The following SLC29A3 variants were observed in gnomAD, a reference collection of about 807,000 sequenced individuals.
SLC29A3 encodes the protein equilibrative nucleoside transporter 3.
In SLC29A3, 18 loss-of-function variants were observed where a neutral mutation model predicts 25.4. That is an observed-to-expected ratio of 0.71 (90% CI 0.49 to 1.05). The LOEUF (loss-of-function observed/expected upper bound fraction) is 1.05, where lower values mean the gene tolerates loss of function less well. Ranked by LOEUF, SLC29A3 falls within the 50% of genes least tolerant of loss-of-function variation. SLC29A3 has a pLI of 0.00. For missense variants in SLC29A3, 586 were observed against 609.0 expected (o/e 0.96, Z 0.40); for synonymous variants, 258 against 267.1 (o/e 0.97, Z 0.33).
chr10:71,368,386 G>T (rs1212136617), intron 3 of SLC29A3, among the ~76,000 whole-genome samples: 1 of 152,234 alleles, frequency 6.6e-6, no homozygotes, highest in Admixed American at 6.5e-5. Flanking sequence ...ACAACTTGTT[G>T]CAATGCCAGC....
chr10:71,362,873 T>C lies in SLC29A3; in HGVS notation c.*265T>C, dbSNP rs1372505922. On this transcript the variant is annotated 3_prime_UTR_variant, in exon 6 of 6. Coordinates refer to ENST00000373189, the MANE Select transcript of SLC29A3 (RefSeq NM_018344.6). Reference sequence around the variant, plus strand: ...AAATCAGGGGTACTCCCTTCACAGCTGATGGTTAACATTCCACCTTCTTTC... The same window carrying C: ...AAATCAGGGGTACTCCCTTCACAGCCGATGGTTAACATTCCACCTTCTTTC... 7.7e-6 allele frequency: 5 copies of C among 649,318 alleles called. No homozygotes were observed. The highest frequency in any genetic ancestry group is 1.4e-5 in the Non-Finnish European group (5 of 352,754). 40.2% of individuals were successfully genotyped at this position (649,318 alleles called of 1,614,324 possible).
At chr10:71,336,440 C>G (rs1209429988) in intron 2 of SLC29A3, among the ~76,000 whole-genome samples, 2 of 151,948 alleles carry the variant, frequency 1.3e-5, no homozygotes, top group Non-Finnish European at 2.9e-5. Context: ...GCTGAGGACC[C>G]TTAGAGGAAA....
At chr10:71,364,518 C>A (rs1267456789), downstream of SLC29A3, 2 of 152,180 alleles carry the variant, frequency 1.3e-5, no homozygotes, top group African/African-American at 4.8e-5. Context: ...AGAAAGGAAC[C>A]AGATCAGACG....
chr10:71,336,022 A>G (rs1846243040), intron 2 of SLC29A3, among the ~76,000 whole-genome samples: 1 of 152,152 alleles, frequency 6.6e-6, no homozygotes, highest in Admixed American at 6.5e-5. Flanking sequence ...AGGACATTGC[A>G]TTAGTTTCTT....
At chr10:71,371,182 G>A (rs533624193) in intron 3 of SLC29A3, among the ~76,000 whole-genome samples, 26 of 152,260 alleles carry the variant, frequency 1.7e-4, no homozygotes, top group Non-Finnish European at 2.8e-4. Flanking sequence ...TTGCTGTTCC[G>A]ATTCTGGAAA....
intron 3 of SLC29A3, 141 bp downstream of exon 3, chr10:71,344,432 G>A (rs900575648): frequency 1.4e-5 from 10 of 710,394 alleles, no homozygotes; most frequent in African/African-American, 1.2e-4. Flanking sequence ...ATTTATGCAT[G>A]AAGAGTGAGA....
Position 71,329,664 on chromosome 10 carries a change from A to G in SLC29A3, c.300+6610A>G, listed in dbSNP as rs111983865. On this transcript the variant is annotated intron_variant, in intron 2 of 5. Transcript: ENST00000373189. ...ACTCAGGAGGCTGAGGTGGGAGAAC[A>G]GAACAGTGAGCTTGAGCCCAGGAGT... Among the ~76,000 whole-genome samples the G allele has an allele frequency of 2.2e-4, 34 of 152,282 alleles. 1 individual carries two copies. Among genetic ancestry groups the G allele is most frequent in the African/African-American group, 7.7e-4 (32 of 41,546 alleles).
At chr10:71,330,140 C>G (rs895410356) in intron 2 of SLC29A3, among the ~76,000 whole-genome samples, 9 of 152,236 alleles carry the variant, frequency 5.9e-5, no homozygotes, top group African/African-American at 1.4e-4. Flanking sequence ...TTTGCCCTTT[C>G]TCTTGGTAAT....
chr10:71,350,055 T>G (rs575496480), intron 3 of SLC29A3, among the ~76,000 whole-genome samples: 7 of 152,310 alleles, frequency 4.6e-5, no homozygotes. Context: ...ACCACACCAT[T>G]GAGTACACAT....
intron 2 of SLC29A3, among the ~76,000 whole-genome samples, chr10:71,343,188 TCTCCTGGGTTCAAGCCATC>T (rs1245380517): frequency 6.6e-6 from 1 of 152,130 alleles, no homozygotes; most frequent in African/African-American, 2.4e-5. Flanking sequence ...CCCAGGGTGG[TCTCCTGGGTTCAAGCCATC>T]CTCCCACCTT....
chr10:71,331,899 G>A (rs1216820364), intron 2 of SLC29A3, among the ~76,000 whole-genome samples: 1 of 152,152 alleles, frequency 6.6e-6, no homozygotes, highest in African/African-American at 2.4e-5. Context: ...CCAAATACCC[G>A]GATTCCTAGA....
At chr10:71,356,585 G>A (rs1846919241) in intron 5 of SLC29A3, among the ~76,000 whole-genome samples, 1 of 152,192 alleles carries the variant, frequency 6.6e-6, no homozygotes, top group African/African-American at 2.4e-5. Flanking sequence ...CCAGCACTTT[G>A]GGAGGCCAAG....
intron 5 of SLC29A3, 118 bp from the exon 6 acceptor site, chr10:71,361,836 A>C: frequency 8.2e-7 from 1 of 1,222,630 alleles, no homozygotes; most frequent in Non-Finnish European, 1.2e-6. Flanking sequence ...CTGTGGGCAT[A>C]CGGGGCTTGG....
chr10:71,372,670 C>T (rs955547124), intron 3 of SLC29A3, among the ~76,000 whole-genome samples: 5 of 152,158 alleles, frequency 3.3e-5, no homozygotes, highest in African/African-American at 1.2e-4. Flanking sequence ...TGCTGCTGTT[C>T]CAGTTGAGGC....
In SLC29A3 at chr10:71,377,046, G is replaced by C. The variant is rs190542951; in HGVS notation, c.*211+1235G>C. On this transcript the variant is annotated intron_variant and NMD_transcript_variant, in intron 4 of 4. Transcript: ENST00000642772. ...CTCCCAAAGTGCTGGGATTACAGGCGTGAGCCACCGCGCCCGGCCCTGTCT... is the reference window on the plus strand; with the variant it reads ...CTCCCAAAGTGCTGGGATTACAGGCCTGAGCCACCGCGCCCGGCCCTGTCT... 2.4e-3 allele frequency among the ~76,000 whole-genome samples: 365 copies of C among 152,214 alleles called. 1 individual carries two copies. The highest frequency in any genetic ancestry group is 8.5e-3 in the African/African-American group (355 of 41,534).
chr10:71,351,697 G>C lies in SLC29A3; in HGVS notation c.519G>C (p.Val173=). 6.2e-7 allele frequency: 1 copy of C among 1,614,206 alleles called. No individual in the cohort carries two copies. The highest frequency in any genetic ancestry group is 8.5e-7 in the Non-Finnish European group (1 of 1,180,042). Residue 173 remains valine (V), a synonymous_variant, in exon 4 of 6, where the codon GTG becomes GTC. Transcript: ENST00000373189. The part of the protein sequence containing the change: ...GFFAVTIVCM[V]ILSGASTVFS... The stretch of plus-strand genomic sequence containing the variant: ...TTGCGGTCACCATTGTCTGCATGGT[G>C]ATCCTCAGCGGTGCCTCCACTGTCT...
At chr10:71,355,474 C>G (rs1202883969) in intron 4 of SLC29A3, among the ~76,000 whole-genome samples, 1 of 152,184 alleles carries the variant, frequency 6.6e-6, no homozygotes, top group African/African-American at 2.4e-5. Flanking sequence ...GTTACACATG[C>G]ATTCACATGT....
At chr10:71,347,908 G>C (rs1487733886) in intron 3 of SLC29A3, among the ~76,000 whole-genome samples, 1 of 152,116 alleles carries the variant, frequency 6.6e-6, no homozygotes, top group East Asian at 1.9e-4. Flanking sequence ...TTACCTTGTA[G>C]CGACAGGCAC....
At chr10:71,380,941 C>G (rs1342214766) in exon 5 of SLC29A3, 1 of 152,118 alleles carries the variant, frequency 6.6e-6, no homozygotes, top group Non-Finnish European at 1.5e-5. Flanking sequence ...CAAAACAGAA[C>G]AGTATCACAG....
Sources: gnomAD v4.1 joint callset for allele counts (sites outside exome capture counted in the v4.1 genomes callset) on GRCh38, gnomAD v4.1.1 for gene constraint, MANE v1.5 for transcripts, NCBI Gene and HGNC (gene_info 2026-07-23, HGNC 2026-07-21) for gene names.